Variants in ZDHHC21 observed in about 807,000 individuals in gnomAD.
The protein encoded by ZDHHC21 is palmitoyltransferase ZDHHC21.
In ZDHHC21, 15 loss-of-function variants were observed where a neutral mutation model predicts 34.6. The observed-to-expected ratio is 0.43, with a 90% CI of 0.29 to 0.67. ZDHHC21 has a LOEUF of 0.67. ZDHHC21 is among the 30% of genes least tolerant of loss of function. The pLI is 0.14. For missense variants in ZDHHC21, 344 were observed against 327.7 expected, an observed-to-expected ratio of 1.05 and a Z score of -0.38; for synonymous variants, 142 against 101.8, an observed-to-expected ratio of 1.40 and a Z score of -2.38.
chr9:14,660,974 T>C lies in ZDHHC21; in HGVS notation c.365+1241A>G, dbSNP rs10481505. ...GTAGCTTTCTAAAAATCTATTACTA[T>C]TGTGAGAGCAAACAGATCACTGAGC... is the stretch of plus-strand genomic sequence containing the variant. On this transcript the variant is annotated intron_variant, in intron 6 of 9. Transcript: ENST00000380916. Among the ~76,000 whole-genome samples the C allele has an allele frequency of 5.3e-3, 805 of 152,314 alleles. 10 individuals are homozygous for C. The highest frequency in any genetic ancestry group is 0.018 in the African/African-American group (752 of 41,560).
intron 8 of ZDHHC21, among the ~76,000 whole-genome samples, chr9:14,620,132 C>A (rs974745771): frequency 1.3e-5 from 2 of 151,962 alleles, no homozygotes; most frequent in Admixed American, 6.6e-5. Flanking sequence ...TAAACAACAA[C>A]AAAACTCAAC....
chr9:14,641,702 C>T (rs186690957), intron 7 of ZDHHC21, among the ~76,000 whole-genome samples: 2 of 152,322 alleles, frequency 1.3e-5, no homozygotes, highest in Admixed American at 6.5e-5. Flanking sequence ...TCCATCACTT[C>T]ACAATAATTC....
At chr9:14,658,515 G>C (rs906279910) in intron 7 of ZDHHC21, among the ~76,000 whole-genome samples, 3 of 108,914 alleles carry the variant, frequency 2.8e-5, no homozygotes, top group African/African-American at 1.1e-4. Context: ...CTGTCGCCCA[G>C]GTTGGAGTGC....
the ZDHHC21 span, among the ~76,000 whole-genome samples, chr9:14,593,415 A>G: frequency 6.6e-6 from 1 of 152,214 alleles, no homozygotes; most frequent in South Asian, 2.1e-4. Context: ...GAATTCCTAG[A>G]AAATACATAA....
At position 14,618,764 on chromosome 9, in the gene ZDHHC21, G is replaced by C. The variant is rs1824713964; in HGVS notation, c.*202C>G. The stretch of plus-strand genomic sequence containing the variant: ...GGAAAGCTAATTTGAAAGTAAACAT[G>C]CTTTAAAACTTAAATATAGATCTTG... On this transcript the variant is annotated 3_prime_UTR_variant, in exon 10 of 10. Coordinates refer to ENST00000380916, the MANE Select transcript of ZDHHC21 (RefSeq NM_178566.6). 2.2e-6 allele frequency: 1 copy of C among 455,496 alleles called. No homozygotes were observed. Among genetic ancestry groups the C allele is most frequent in the East Asian group, 3.6e-5 (1 of 27,434 alleles). The allele number at this position is 455,496 out of a possible 1,614,324, so 28.2% of individuals were successfully genotyped here.
rs990568771 is a variant in ZDHHC21, at chr9:14,622,742, T to A, written c.622-3060A>T. ...ACAATCTGTTATATGACTATCTCTT[T>A]TGAGTCTGGAAGTAAGAGCCATTGC... On this transcript the variant is annotated intron_variant, in intron 8 of 9. Transcript: ENST00000380916. 3.0e-6 allele frequency: 3 copies of A among 985,206 alleles called. No homozygotes were observed. In the African/African-American group the frequency reaches 5.2e-5, roughly 17 times the overall value. 61.0% of individuals were successfully genotyped at this position (985,206 alleles called of 1,614,324 possible). A position where few individuals can be genotyped will look rare whatever the true frequency, so the allele number is the denominator to read the frequency against.
In ZDHHC21 at chr9:14,613,567, T is replaced by A. The variant is rs570155507; in HGVS notation, c.*5399A>T. 2.6e-5 allele frequency: 4 copies of A among 151,992 alleles called. 1 individual carries two copies. Among genetic ancestry groups the A allele is most frequent in the African/African-American group, 9.6e-5 (4 of 41,556 alleles). The allele number at this position is 151,992 out of a possible 1,614,324, so 9.4% of individuals were successfully genotyped here. ...GCCCACAACTTCTGTTAAGCTATTT[T>A]GTCCGCATCTTTGTTTATATATAAA... On this transcript the variant is annotated 3_prime_UTR_variant, in exon 10 of 10. Coordinates refer to ENST00000380916, the MANE Select transcript of ZDHHC21 (RefSeq NM_178566.6).
chr9:14,693,107 C>T lies in ZDHHC21; in HGVS notation c.-225+122G>A, dbSNP rs1438364871. 1.9e-5 allele frequency: 4 copies of T among 210,410 alleles called. No homozygotes were observed. The South Asian group carries it at 2.1e-4, about 11-fold the overall frequency. The allele number at this position is 210,410 out of a possible 1,614,324, so 13.0% of individuals were successfully genotyped here. A position where few individuals can be genotyped will look rare whatever the true frequency, so the allele number is the denominator to read the frequency against. ...GGCGTGCAGGAACAGGTGAGGGCGT[C>T]CCGGCGCGGAGGAGCGGCGGGCGGG... On this transcript the variant is annotated intron_variant, in intron 1 of 9. Transcript: ENST00000380916.
intron 6 of ZDHHC21, 113 bp from the exon 7 acceptor site, chr9:14,659,000 G>A (rs1242221670): frequency 5.8e-6 from 6 of 1,038,236 alleles, no homozygotes; most frequent in Non-Finnish European, 8.3e-6. Flanking sequence ...ACTTCATGGA[G>A]ATATGCTATG....
chr9:14,626,113 T>C (rs1054636388), intron 8 of ZDHHC21, among the ~76,000 whole-genome samples: 1 of 152,032 alleles, frequency 6.6e-6, no homozygotes, highest in African/African-American at 2.4e-5. Context: ...TCTTACACTT[T>C]TAACACCAAA....
chr9:14,608,792 T>C (rs185710707), downstream of ZDHHC21, among the ~76,000 whole-genome samples: 15 of 152,254 alleles, frequency 9.9e-5, no homozygotes, highest in Admixed American at 2.6e-4. Context: ...ATATGGGTAA[T>C]TGGTCAGCCT....
chr9:14,661,797 G>A (rs950225201), intron 6 of ZDHHC21, among the ~76,000 whole-genome samples: 1 of 152,094 alleles, frequency 6.6e-6, no homozygotes, highest in African/African-American at 2.4e-5. Context: ...GGTTATCAGG[G>A]TGTCTGAAAT....
intron 7 of ZDHHC21, among the ~76,000 whole-genome samples, chr9:14,651,042 TGTATAATCTCTGACA>T (rs1831152927): frequency 1.3e-5 from 2 of 152,006 alleles, no homozygotes; most frequent in African/African-American, 2.4e-5. Context: ...AAAGATTAGC[TGTATAATCTCTGACA>T]GTAATAGCCA....
chr9:14,643,666 T>C (rs1187400274), intron 7 of ZDHHC21, among the ~76,000 whole-genome samples: 2 of 152,330 alleles, frequency 1.3e-5, no homozygotes, highest in East Asian at 1.9e-4. Context: ...GCCTTTCACA[T>C]TTAGGTCACT....
At chr9:14,644,544 T>C (rs1223065061) in intron 7 of ZDHHC21, among the ~76,000 whole-genome samples, 1 of 152,004 alleles carries the variant, frequency 6.6e-6, no homozygotes, top group African/African-American at 2.4e-5. Context: ...AGACCATTTA[T>C]CTGATTATGA....
At chr9:14,623,522 C>A (rs1430784939) in intron 8 of ZDHHC21, among the ~76,000 whole-genome samples, 6 of 151,148 alleles carry the variant, frequency 4.0e-5, no homozygotes, top group Non-Finnish European at 8.8e-5. Context: ...GAATGAAATC[C>A]TGTCTCTTAA....
intron 8 of ZDHHC21, among the ~76,000 whole-genome samples, chr9:14,639,018 A>G (rs1446797745): frequency 1.3e-5 from 2 of 151,872 alleles, no homozygotes; most frequent in Non-Finnish European, 2.9e-5. Context: ...TATCCAAAGG[A>G]AAAAAAACAA....
the ZDHHC21 span, among the ~76,000 whole-genome samples, chr9:14,599,160 T>C: frequency 6.6e-6 from 1 of 152,182 alleles, no homozygotes. Flanking sequence ...GCTGGCAAGA[T>C]GGCCGAATAG....
chr9:14,692,304 T>A (rs540643465), intron 1 of ZDHHC21, among the ~76,000 whole-genome samples: 3 of 152,220 alleles, frequency 2.0e-5, no homozygotes, highest in Non-Finnish European at 2.9e-5. Flanking sequence ...AGGAAAGCAG[T>A]GAATTTTTAA....
Sources: gnomAD v4.1 joint callset for allele counts (sites outside exome capture counted in the v4.1 genomes callset) on GRCh38, gnomAD v4.1.1 for gene constraint, MANE v1.5 for transcripts, NCBI Gene and HGNC (gene_info 2026-07-23, HGNC 2026-07-21) for gene names.